CSRNP3: variants seen among roughly 807,000 people sequenced by gnomAD.
The protein encoded by CSRNP3 is cysteine/serine-rich nuclear protein 3.
CSRNP3 carries 12 observed loss-of-function variants against 48.0 expected under a neutral mutation model. That is an observed-to-expected ratio of 0.25 (90% CI 0.16 to 0.41). CSRNP3 has a LOEUF of 0.41. Among genes scored for constraint, CSRNP3 ranks in the 10% least tolerant of loss-of-function variants. The pLI is 1.00. For synonymous variants in CSRNP3, 263 were observed against 269.7 expected, an observed-to-expected ratio of 0.98 and a Z score of 0.24; for missense variants, 580 against 724.4, an observed-to-expected ratio of 0.80 and a Z score of 2.29.
At chr2:165,609,031 T>C (rs1389195804) in intron 4 of CSRNP3, among the ~76,000 whole-genome samples, 4 of 138,620 alleles carry the variant, frequency 2.9e-5, no homozygotes, top group African/African-American at 1.1e-4. Flanking sequence ...GGCGTGAACC[T>C]GGAAGGCAGA....
intron 3 of CSRNP3, among the ~76,000 whole-genome samples, chr2:165,573,718 C>T (rs1685405699): frequency 6.6e-6 from 1 of 152,284 alleles, no homozygotes; most frequent in Non-Finnish European, 1.5e-5. Context: ...TACAGAATTA[C>T]TATAGTGACC....
At chr2:165,563,666 A>G (rs1685262395) in intron 3 of CSRNP3, among the ~76,000 whole-genome samples, 1 of 152,190 alleles carries the variant, frequency 6.6e-6, no homozygotes, top group Admixed American at 6.6e-5. Flanking sequence ...GGATAGCAAG[A>G]AAGCACGAGT....
chr2:165,542,136 C>G (rs2105253212), intron 3 of CSRNP3, among the ~76,000 whole-genome samples: 1 of 152,252 alleles, frequency 6.6e-6, no homozygotes, highest in South Asian at 2.1e-4. Flanking sequence ...CCTCACTTAC[C>G]TAGCACATCC....
chr2:165,572,871 T>G (rs10497264), intron 3 of CSRNP3, among the ~76,000 whole-genome samples: 55,219 of 152,042 alleles, frequency 0.36, 10,183 homozygotes, highest in South Asian at 0.48. Flanking sequence ...CTCCTGTGTA[T>G]GCAGAAATAA....
At chr2:165,612,069 T>C (rs1686147027) in intron 4 of CSRNP3, among the ~76,000 whole-genome samples, 1 of 152,124 alleles carries the variant, frequency 6.6e-6, no homozygotes, top group Non-Finnish European at 1.5e-5. Context: ...CTTTACATTG[T>C]CTAGGTAATA....
chr2:165,665,829 A>G (rs1687174562), intron 5 of CSRNP3, among the ~76,000 whole-genome samples: 2 of 146,744 alleles, frequency 1.4e-5, no homozygotes, highest in Admixed American at 6.7e-5. Context: ...GGAAGGAAGG[A>G]AGAAAGGAAG....
At chr2:165,578,769 G>T (rs1473774542) in intron 3 of CSRNP3, among the ~76,000 whole-genome samples, 2 of 152,052 alleles carry the variant, frequency 1.3e-5, no homozygotes, top group Non-Finnish European at 1.5e-5. Flanking sequence ...CTTTTATTGT[G>T]TTGTATATTA....
intron 4 of CSRNP3, among the ~76,000 whole-genome samples, chr2:165,605,893 T>C (rs1379865782): frequency 6.6e-6 from 1 of 152,040 alleles, no homozygotes; most frequent in African/African-American, 2.4e-5. Flanking sequence ...TTAAAACCCA[T>C]GGAATTAGCT....
chr2:165,639,849 A>G (rs1334095101), intron 4 of CSRNP3, among the ~76,000 whole-genome samples: 1 of 152,228 alleles, frequency 6.6e-6, no homozygotes, highest in Admixed American at 6.5e-5. Context: ...TTTGTCTCTC[A>G]TTCATAATTA....
At chr2:165,510,963 A>G (rs1420885015) in intron 2 of CSRNP3, among the ~76,000 whole-genome samples, 1 of 152,204 alleles carries the variant, frequency 6.6e-6, no homozygotes, top group Non-Finnish European at 1.5e-5. Flanking sequence ...TTCAGGAAGA[A>G]TGGAAGAAAT....
chr2:165,541,501 G>C (rs1684957259), intron 3 of CSRNP3, among the ~76,000 whole-genome samples: 1 of 151,976 alleles, frequency 6.6e-6, no homozygotes, highest in Admixed American at 6.6e-5. Flanking sequence ...ATAATGGGTG[G>C]TGCCTGCCTT....
intron 2 of CSRNP3, among the ~76,000 whole-genome samples, chr2:165,515,752 CTAATT>C (rs1176812225): frequency 2.0e-5 from 3 of 149,910 alleles, no homozygotes; most frequent in Non-Finnish European, 4.4e-5. Flanking sequence ...AACTCAACAT[CTAATT>C]TAATTATTTT....
At chr2:165,650,954 A>C (rs201042024) in intron 4 of CSRNP3, among the ~76,000 whole-genome samples, 2 of 152,348 alleles carry the variant, frequency 1.3e-5, no homozygotes, top group South Asian at 2.1e-4. Flanking sequence ...TTCAACCTCC[A>C]TGTGCCAAAA....
chr2:165,644,957 G>A (rs1686786878), intron 4 of CSRNP3, among the ~76,000 whole-genome samples: 1 of 151,980 alleles, frequency 6.6e-6, no homozygotes, highest in Admixed American at 6.6e-5. Context: ...GTCTGGTAAG[G>A]GTCCACTTCT....
intron 6 of CSRNP3, among the ~76,000 whole-genome samples, chr2:165,676,961 G>A (rs573587886): frequency 4.2e-4 from 64 of 152,228 alleles, no homozygotes; most frequent in African/African-American, 1.5e-3. Flanking sequence ...ACTGGAGTGT[G>A]TATTTTCTGA....
chr2:165,631,913 C>G (rs1220430406), intron 4 of CSRNP3, among the ~76,000 whole-genome samples: 1 of 152,172 alleles, frequency 6.6e-6, no homozygotes, highest in East Asian at 1.9e-4. Flanking sequence ...ATATCTGGCC[C>G]TTTAAAGAAA....
chr2:165,621,707 A>G (rs1686343047), intron 4 of CSRNP3, among the ~76,000 whole-genome samples: 1 of 152,188 alleles, frequency 6.6e-6, no homozygotes, highest in Admixed American at 6.5e-5. Flanking sequence ...TTGTTGTACC[A>G]CTGGAGGAAA....
At chr2:165,546,385 G>A (rs1389461733) in intron 3 of CSRNP3, among the ~76,000 whole-genome samples, 1 of 152,022 alleles carries the variant, frequency 6.6e-6, no homozygotes, top group Non-Finnish European at 1.5e-5. Context: ...TATAGATGGG[G>A]TTTCACCATG....
chr2:165,663,843 A>AT (rs905810352), intron 5 of CSRNP3, among the ~76,000 whole-genome samples: 14 of 151,642 alleles, frequency 9.2e-5, no homozygotes, highest in East Asian at 1.9e-4. Flanking sequence ...GACAAATTAG[A>AT]TTTTTTTTTC....
Sources: gnomAD v4.1 joint callset for allele counts (sites outside exome capture counted in the v4.1 genomes callset) on GRCh38, gnomAD v4.1.1 for gene constraint, MANE v1.5 for transcripts, NCBI Gene and HGNC (gene_info 2026-07-23, HGNC 2026-07-21) for gene names.